Variants in ITGA3 observed in about 807,000 individuals in gnomAD.
ITGA3 encodes the protein integrin alpha-3.
Under a neutral mutation model 131.1 loss-of-function variants are expected in ITGA3, and 70 were observed. The observed-to-expected ratio is 0.53, with a 90% confidence interval of 0.44 to 0.65. The LOEUF (loss-of-function observed/expected upper bound fraction) is 0.65. ITGA3 is among the 30% of genes least tolerant of loss of function. The probability of loss-of-function intolerance (pLI) is 0.00; values close to 1 mark genes in which losing one functional copy is unlikely to be tolerated. For synonymous variants in ITGA3, 537 were observed against 571.6 expected (o/e 0.94, Z 0.86); for missense variants, 1,098 against 1,388.6 (o/e 0.79, Z 3.33).
At position 50,090,080 on chromosome 17, in the gene ITGA3, C is replaced by T. The variant is rs1244972639; in HGVS notation, c.*1002C>T. 1 of 337,382 alleles carries T rather than the reference C, an allele frequency of 3.0e-6. No homozygotes were observed. The highest frequency in any genetic ancestry group is 2.2e-5 in the African/African-American group (1 of 46,474). The allele number at this position is 337,382 out of a possible 1,614,324, so 20.9% of individuals were successfully genotyped here. On this transcript the variant is annotated 3_prime_UTR_variant, in exon 26 of 26. Coordinates refer to ENST00000320031, the MANE Select transcript of ITGA3 (RefSeq NM_002204.4). ...GATACAGAGGAGATGCCACTTCTCA[C>T]TCACCACTACCAGCCAGCCTCAGAA...
intron 23 of ITGA3, among the ~76,000 whole-genome samples, chr17:50,083,723 C>CAAAAAA (rs34118743): frequency 8.0e-6 from 1 of 124,926 alleles, no homozygotes; most frequent in Non-Finnish European, 1.6e-5. Flanking sequence ...CATCTTGCCT[C>CAAAAAA]AAAAAAAAAA....
intron 1 of ITGA3, among the ~76,000 whole-genome samples, chr17:50,058,395 G>A (rs916694342): frequency 8.5e-5 from 13 of 152,236 alleles, no homozygotes; most frequent in African/African-American, 3.1e-4. Context: ...TGGGATGTTA[G>A]TGGGGCTGTA....
At chr17:50,071,155 G>A (rs72840624) in intron 5 of ITGA3, among the ~76,000 whole-genome samples, 156 bp from the exon 6 acceptor site, 1 of 152,258 alleles carries the variant, frequency 6.6e-6, no homozygotes, top group African/African-American at 2.4e-5. Context: ...CTGGGCCATG[G>A]CTGCTGGCCA....
intron 16 of ITGA3, 120 bp from the exon 17 acceptor site, chr17:50,077,926 T>C (rs1223443959): frequency 2.2e-5 from 17 of 759,346 alleles, no homozygotes; most frequent in Admixed American, 4.4e-5. Flanking sequence ...TCACCCAGAA[T>C]AGGAGGAGGA....
Position 50,079,430 on chromosome 17 carries a change from T to C in ITGA3, c.2584-5T>C, listed in dbSNP as rs572961635. 6.4e-7 allele frequency: 1 copy of C among 1,558,790 alleles called. No homozygotes were observed. Among genetic ancestry groups the C allele is most frequent in the East Asian group, 2.3e-5 (1 of 44,310 alleles). ...CTGCCAGCAAATCTCCTATTTCCTC[T>C]CCAGGACCCTGGGGACAGGCCATCA... On this transcript the variant is annotated splice_region_variant and splice_polypyrimidine_tract_variant and intron_variant, in intron 20 of 25. Transcript: ENST00000320031.
At chr17:50,085,237 G>C (rs1909336004) in intron 23 of ITGA3, among the ~76,000 whole-genome samples, 1 of 151,724 alleles carries the variant, frequency 6.6e-6, no homozygotes, top group Non-Finnish European at 1.5e-5. Flanking sequence ...AAGGAAGAGA[G>C]GGAGGAAGGG....
intron 23 of ITGA3, among the ~76,000 whole-genome samples, chr17:50,084,373 A>G (rs1035248680): frequency 6.6e-6 from 1 of 152,050 alleles, no homozygotes; most frequent in Non-Finnish European, 1.5e-5. Context: ...TAAAGTGCCC[A>G]TTTCCTTAGA....
intron 14 of ITGA3, 98 bp downstream of exon 14, chr17:50,076,779 A>C: frequency 7.9e-7 from 1 of 1,259,332 alleles, no homozygotes; most frequent in South Asian, 1.2e-5. Flanking sequence ...AGGCGAGCCC[A>C]GGGACAGGGC....
chr17:50,079,809 TG>T lies in ITGA3; in HGVS notation c.2706+257del, dbSNP rs1254333017. Among the ~76,000 whole-genome samples the T allele has an allele frequency of 3.3e-5, 5 of 152,266 alleles. No individual in the cohort carries two copies. In the East Asian group the frequency reaches 9.7e-4, roughly 29 times the overall value. On this transcript the variant is annotated intron_variant, in intron 21 of 25. Coordinates refer to ENST00000320031, the MANE Select transcript of ITGA3 (RefSeq NM_002204.4). ...TCTGCTCCAAGGAACCCCAGCCTGT[TG>T]GGGGCGATAGAGCTGCTCAGAGCTT...
chr17:50,082,141 C>T (rs1159229131), intron 23 of ITGA3, among the ~76,000 whole-genome samples: 5 of 152,056 alleles, frequency 3.3e-5, no homozygotes, highest in Admixed American at 6.6e-5. Context: ...CCATGTACCA[C>T]GATGCCCAGC....
At chr17:50,071,541 T>C in intron 6 of ITGA3, 23 bp downstream of exon 6, 1 of 1,585,628 alleles carries the variant, frequency 6.3e-7, no homozygotes, top group Non-Finnish European at 8.6e-7. Context: ...GGACATCCTC[T>C]GGGGCCAGGG....
Position 50,069,433 on chromosome 17 carries a change from A to T in ITGA3, c.664+1128A>T, listed in dbSNP as rs539209483. Among the ~76,000 whole-genome samples the T allele has an allele frequency of 7.2e-5, 11 of 152,300 alleles. No homozygotes were observed. The East Asian group carries it at 2.1e-3, about 29-fold the overall frequency. ...GTAATCCCAACACTTTGGAAAACTG[A>T]GGTGGGAGGATCACTTGAGCCCAGG... is the stretch of plus-strand genomic sequence containing the variant. On this transcript the variant is annotated intron_variant, in intron 4 of 25. Coordinates refer to ENST00000320031, the MANE Select transcript of ITGA3 (RefSeq NM_002204.4).
At position 50,075,683 on chromosome 17, in the gene ITGA3, GCTT is replaced by G; in HGVS notation, c.1628_1630del (p.Phe543del). The G allele has an allele frequency of 6.2e-7, 1 of 1,614,184 alleles. No individual in the cohort carries two copies. Among genetic ancestry groups the G allele is most frequent in the Non-Finnish European group, 8.5e-7 (1 of 1,180,026 alleles). ...GGCAGTGAGTCCGCTGTCTTCCACG[GCTT>G]CTTCTCCATGCCCGAGATGCGCTGC... On this transcript the variant is annotated inframe_deletion, in exon 12 of 26. Coordinates refer to ENST00000320031, the MANE Select transcript of ITGA3 (RefSeq NM_002204.4).
Position 50,072,143 on chromosome 17 carries a change from G to T in ITGA3, c.1117G>T (p.Val373Leu), listed in dbSNP as rs538397377. Residue 373 changes from valine (V) to leucine (L), a missense_variant, in exon 7 of 26, where the codon GTG (valine) becomes TTG (leucine). By Grantham distance (32) the Val-to-Leu change is conservative. This residue lies in a region of ITGA3 where 356 missense variants were observed against 529.2 expected (regional missense o/e 0.67). Coordinates refer to ENST00000320031, the MANE Select transcript of ITGA3 (RefSeq NM_002204.4). ...GPSGSAFGLS[V>L]ASIGDINQDG... ...CAGTGGCTCTGCCTTTGGTTTATCT[G>T]TGGCCAGCATTGGTGACATCAACCA... 1.2e-6 allele frequency: 2 copies of T among 1,613,910 alleles called. No individual in the cohort carries two copies. Among genetic ancestry groups the T allele is most frequent in the Admixed American group, 1.7e-5 (1 of 60,004 alleles).
At chr17:50,079,790 C>T (rs1402265188) in intron 21 of ITGA3, among the ~76,000 whole-genome samples, 1 of 152,208 alleles carries the variant, frequency 6.6e-6, no homozygotes. Context: ...TGGCTCTGCT[C>T]CAAGGAACCC....
chr17:50,059,958 C>T (rs1907998680), intron 1 of ITGA3, among the ~76,000 whole-genome samples: 1 of 152,082 alleles, frequency 6.6e-6, no homozygotes, highest in Non-Finnish European at 1.5e-5. Flanking sequence ...GGCTGAGTCA[C>T]CAGTGGGGAG....
chr17:50,062,049 A>AAAAAAAAGAAAG (rs1908108101), intron 1 of ITGA3, among the ~76,000 whole-genome samples: 1 of 151,602 alleles, frequency 6.6e-6, no homozygotes, highest in African/African-American at 2.4e-5. Flanking sequence ...CAAAAAAAAA[A>AAAAAAAAGAAAG]AAAAAAAGAA....
intron 1 of ITGA3, among the ~76,000 whole-genome samples, chr17:50,057,031 C>A (rs891240058): frequency 6.6e-6 from 1 of 152,176 alleles, no homozygotes; most frequent in Admixed American, 6.5e-5. Context: ...CCTTCCCGTA[C>A]GCTTGGGGGA....
At chr17:50,079,586 A>G (rs1355612503) in intron 21 of ITGA3, 29 bp downstream of exon 21, 3 of 1,499,038 alleles carry the variant, frequency 2.0e-6, no homozygotes, top group Admixed American at 2.3e-5. Flanking sequence ...GTTGGAGGGG[A>G]TTGCATCCAC....
Sources: gnomAD v4.1 joint callset for allele counts (sites outside exome capture counted in the v4.1 genomes callset) on GRCh38, gnomAD v4.1.1 for gene constraint, gnomAD v4.1.1 regional missense constraint, MANE v1.5 for transcripts, NCBI Gene and HGNC (gene_info 2026-07-23, HGNC 2026-07-21) for gene names.